Variants in CELSR1 observed in about 807,000 individuals in gnomAD.
CELSR1 encodes cadherin EGF LAG seven-pass G-type receptor 1.
Under a neutral mutation model 249.1 loss-of-function variants are expected in CELSR1, and 110 were observed. That is an observed-to-expected ratio of 0.44 (90% CI 0.38 to 0.52). The LOEUF (loss-of-function observed/expected upper bound fraction) is 0.52, where lower values mean the gene tolerates loss of function less well. Ranked by LOEUF, CELSR1 falls within the 20% of genes least tolerant of loss-of-function variation. The pLI is 0.00. For synonymous variants in CELSR1, 2,113 were observed against 1,900.0 expected, an observed-to-expected ratio of 1.11 and a Z score of -2.92; for missense variants, 4,109 against 4,296.4, an observed-to-expected ratio of 0.96 and a Z score of 1.22.
Position 46,436,245 on chromosome 22 carries a change from C to T in CELSR1, c.4451G>A (p.Arg1484His), listed in dbSNP as rs2079659341. 3 of 1,614,020 alleles carry T rather than the reference C, an allele frequency of 1.9e-6. No homozygotes were observed. The highest frequency in any genetic ancestry group is 2.5e-6 in the Non-Finnish European group (3 of 1,180,028). Residue 1484 changes from arginine to histidine, a missense_variant, in exon 4 of 35, where the codon CGC (arginine) becomes CAC (histidine). Transcript: ENST00000674500. The surrounding 1 kb of genome is among the most constrained non-coding windows in gnomAD (Gnocchi z 5.9). ...GATGAAGTCGTGCTTCTCATTGAAG[C>T]GGCCGTTGTAGAGAAGCAAGCCGTT... Reference protein sequence around the residue: ...ERNGLLLYNGRFNEKHDFIAL... With the variant: ...ERNGLLLYNGHFNEKHDFIAL...
In CELSR1 at chr22:46,464,429, G is replaced by A; in HGVS notation, c.3545-84C>T. 10 of 1,436,746 alleles carry A rather than the reference G, an allele frequency of 7.0e-6. No individual in the cohort carries two copies. Among genetic ancestry groups the A allele is most frequent in the East Asian group, 2.3e-5 (1 of 43,606 alleles). 89.0% of individuals were successfully genotyped at this position (1,436,746 alleles called of 1,614,324 possible). ...GGCCCCATCCCAGGAGCAGCCTCAG[G>A]CATGCTTGGCAAAGGAGAAGAGAGC... On this transcript the variant is annotated intron_variant, in intron 1 of 34. Transcript: ENST00000674500. This position sits in a 1 kb window ranked among gnomAD's most constrained non-coding sequence, Gnocchi z 8.5.
intron 1 of CELSR1, among the ~76,000 whole-genome samples, chr22:46,482,027 C>A: frequency 6.6e-6 from 1 of 152,192 alleles, no homozygotes; most frequent in Non-Finnish European, 1.5e-5. Flanking sequence ...CCAGCCTCAG[C>A]CTCCCAAAGT....
Position 46,437,128 on chromosome 22 carries a change from G to C in CELSR1, c.4407-839C>G, listed in dbSNP as rs1284268643. ...TGAACAGACGCCTGAACATGAACAG[G>C]CCTGTCAGAACTTAGAGCACGCTGA... On this transcript the variant is annotated intron_variant, in intron 3 of 34. Coordinates refer to ENST00000674500, the MANE Select transcript of CELSR1 (RefSeq NM_001378328.1). This position sits in a 1 kb window ranked among gnomAD's most constrained non-coding sequence, Gnocchi z 4.9. Among the ~76,000 whole-genome samples the C allele has an allele frequency of 1.3e-5, 2 of 152,184 alleles. No homozygotes were observed. The highest frequency in any genetic ancestry group is 2.9e-5 in the Non-Finnish European group (2 of 68,026).
chr22:46,494,293 G>A (rs925503456), intron 1 of CELSR1, among the ~76,000 whole-genome samples: 1 of 152,094 alleles, frequency 6.6e-6, no homozygotes, highest in African/African-American at 2.4e-5. Context: ...TCCTCAAAGT[G>A]GCCTTGGCTA....
chr22:46,371,377 G>T (rs138183040), intron 25 of CELSR1, among the ~76,000 whole-genome samples: 64 of 152,122 alleles, frequency 4.2e-4, no homozygotes, highest in Non-Finnish European at 7.8e-4. Flanking sequence ...CTCAGACTGC[G>T]TCTAATCCCC....
chr22:46,513,760 T>A (rs1413834985), intron 1 of CELSR1, among the ~76,000 whole-genome samples: 2 of 152,132 alleles, frequency 1.3e-5, no homozygotes, highest in Non-Finnish European at 2.9e-5. Context: ...GCCCAGAAGC[T>A]CAAAGCCATA....
chr22:46,476,324 G>A (rs531098180), intron 1 of CELSR1, among the ~76,000 whole-genome samples: 20 of 152,128 alleles, frequency 1.3e-4, no homozygotes, highest in East Asian at 5.8e-4. Flanking sequence ...GGCTGGGCGC[G>A]GTGGCTCATG....
rs1196499910 is a variant in CELSR1, at chr22:46,534,102, A to C, written c.3069T>G (p.Ala1023=). 3 of 1,613,728 alleles carry C rather than the reference A, an allele frequency of 1.9e-6. No homozygotes were observed. The Admixed American group carries it at 5.0e-5, about 27-fold the overall frequency. ...CATTAGGGCCTTCATCAGGGTCGTT[A>C]GCACGAATCTTTGCCACCACCGACC... is the stretch of plus-strand genomic sequence containing the variant. The part of the protein sequence containing the change: ...PVGSVVAKIR[A]NDPDEGPNAQ... Residue 1023 remains alanine, a synonymous_variant, in exon 1 of 35, where the codon GCT becomes GCG. Transcript: ENST00000674500. The surrounding 1 kb of genome is among the most constrained non-coding windows in gnomAD (Gnocchi z 9.7).
At chr22:46,368,874 A>T (rs1213450352) in intron 27 of CELSR1, among the ~76,000 whole-genome samples, 1 of 148,944 alleles carries the variant, frequency 6.7e-6, no homozygotes, top group Non-Finnish European at 1.5e-5. Context: ...ACCCATCTCC[A>T]CTCTGGGGAT....
intron 5 of CELSR1, among the ~76,000 whole-genome samples, chr22:46,421,327 C>T (rs115767377): frequency 0.015 from 2,268 of 152,228 alleles, 69 homozygotes; most frequent in African/African-American, 0.051. Context: ...GGGGGTGAGA[C>T]AGAGGCTGCT....
At position 46,367,000 on chromosome 22, in the gene CELSR1, AG is replaced by A; in HGVS notation, c.8197del (p.Leu2733CysfsTer2). The A allele has an allele frequency of 6.2e-7, 1 of 1,609,106 alleles. No individual in the cohort carries two copies. Among genetic ancestry groups the A allele is most frequent in the Non-Finnish European group, 8.5e-7 (1 of 1,179,066 alleles). ...GTCCCCGGCGCCTCCTACCGTCAGCAGGGTGGCCCTGGTGGTGGCGGAGTCC... is the reference window on the plus strand; with the variant it reads ...GTCCCCGGCGCCTCCTACCGTCAGCAGGTGGCCCTGGTGGTGGCGGAGTCC... ...LEDSATTRAT[L>X]LTRSLNCNTT... On this transcript the variant is annotated frameshift_variant, in exon 29 of 35. Coordinates refer to ENST00000674500, the MANE Select transcript of CELSR1 (RefSeq NM_001378328.1). LOFTEE classifies it high-confidence loss of function.
intron 1 of CELSR1, among the ~76,000 whole-genome samples, chr22:46,474,350 C>T (rs2080185261): frequency 6.6e-6 from 1 of 152,070 alleles, no homozygotes; most frequent in African/African-American, 2.4e-5. Flanking sequence ...CACTCTGTAA[C>T]CCCACCACTG....
rs1002378225 is a variant in CELSR1 at position 46,433,332 on chromosome 22, G to T, written c.4611+61C>A. On this transcript the variant is annotated intron_variant, in intron 5 of 34. Coordinates refer to ENST00000674500, the MANE Select transcript of CELSR1 (RefSeq NM_001378328.1). The surrounding 1 kb of genome is among the most constrained non-coding windows in gnomAD (Gnocchi z 5.7). The stretch of plus-strand genomic sequence containing the variant: ...TTACAGGCGTGAGCCACTGCGCCTC[G>T]CCCCAGGGCACCTTCTCGAGCCGCC... 1.5e-6 allele frequency: 2 copies of T among 1,343,154 alleles called. No individual in the cohort carries two copies. The highest frequency in any genetic ancestry group is 1.1e-6 in the Non-Finnish European group (1 of 951,160). The allele number at this position is 1,343,154 out of a possible 1,614,324, so 83.2% of individuals were successfully genotyped here.
At chr22:46,481,285 A>G (rs2080263699) in intron 1 of CELSR1, 1 of 504,854 alleles carries the variant, frequency 2.0e-6, no homozygotes, top group Admixed American at 3.0e-5. Context: ...TATAAAAAAT[A>G]CATTATTGCC....
chr22:46,527,072 C>T lies in CELSR1; in HGVS notation c.3544+6555G>A, dbSNP rs900894704. Among the ~76,000 whole-genome samples the T allele has an allele frequency of 6.6e-6, 1 of 152,190 alleles. No individual in the cohort carries two copies. Among genetic ancestry groups the T allele is most frequent in the Non-Finnish European group, 1.5e-5 (1 of 68,042 alleles). On this transcript the variant is annotated intron_variant, in intron 1 of 34. Coordinates refer to ENST00000674500, the MANE Select transcript of CELSR1 (RefSeq NM_001378328.1). This position sits in a 1 kb window ranked among gnomAD's most constrained non-coding sequence, Gnocchi z 5.5. ...CAAATCCCACTGCTGCCATCACAAG[C>T]TGGTGCCCTGGGAGCCCTGTCCTTG...
intron 1 of CELSR1, among the ~76,000 whole-genome samples, chr22:46,524,829 G>A (rs145957891): frequency 2.6e-4 from 39 of 152,254 alleles, no homozygotes; most frequent in African/African-American, 3.9e-4. Flanking sequence ...CCCTCAGCAC[G>A]TGTGGGAGGA....
rs1350354973 is a variant in CELSR1 at position 46,471,583 on chromosome 22, G to A, written c.3545-7238C>T. Among the ~76,000 whole-genome samples, 1 of 152,106 alleles carries A rather than the reference G, an allele frequency of 6.6e-6. No individual in the cohort carries two copies. The highest frequency in any genetic ancestry group is 2.4e-5 in the African/African-American group (1 of 41,428). ...TTTTCTGTTCTTGTTTTTTGTAGAG[G>A]TGAGGCCGTGCGATGTTGCCCAGGC... is the stretch of plus-strand genomic sequence containing the variant. On this transcript the variant is annotated intron_variant, in intron 1 of 34. Coordinates refer to ENST00000674500, the MANE Select transcript of CELSR1 (RefSeq NM_001378328.1). The surrounding 1 kb of genome is among the most constrained non-coding windows in gnomAD (Gnocchi z 4.9).
At chr22:46,458,241 G>A (rs1477331167) in intron 2 of CELSR1, among the ~76,000 whole-genome samples, 3 of 152,150 alleles carry the variant, frequency 2.0e-5, no homozygotes, top group Non-Finnish European at 4.4e-5. Context: ...GGGAGCCGGG[G>A]GTGAGGCTAG....
intron 2 of CELSR1, among the ~76,000 whole-genome samples, chr22:46,462,624 TG>T (rs1256101081): frequency 6.9e-6 from 1 of 145,678 alleles, no homozygotes; most frequent in African/African-American, 2.6e-5. Context: ...AACCAAATCC[TG>T]CCTAATCCCA....
Sources: allele counts gnomAD v4.1 joint callset (sites outside exome capture counted in the v4.1 genomes callset), GRCh38; gene constraint gnomAD v4.1.1; non-coding constraint Gnocchi (gnomAD v3.1); transcripts MANE v1.5; gene names NCBI Gene and HGNC (gene_info 2026-07-23, HGNC 2026-07-21).